PSMD14: variants seen among roughly 807,000 people sequenced by gnomAD.
PSMD14 encodes proteasome 26S subunit, non-ATPase 14, also known as ubiquitin C-terminal hydrolase PSMD14.
A neutral mutation model predicts 41.2 loss-of-function variants in PSMD14; 7 were observed. The observed-to-expected ratio is 0.17, with a 90% CI of 0.10 to 0.32. The LOEUF (loss-of-function observed/expected upper bound fraction) is 0.32. Ranked by LOEUF, PSMD14 falls within the 10% of genes least tolerant of loss-of-function variation. The pLI is 1.00. For missense variants in PSMD14, 139 were observed against 375.6 expected (o/e 0.37, Z 5.21); for synonymous variants, 114 against 122.3 (o/e 0.93, Z 0.45).
intron 3 of PSMD14, among the ~76,000 whole-genome samples, chr2:161,363,809 C>T (rs1683323165): frequency 6.6e-6 from 1 of 152,190 alleles, no homozygotes; most frequent in Admixed American, 6.5e-5. Flanking sequence ...TACAGACAGG[C>T]AGGCTTTGGG....
chr2:161,392,197 T>C (rs1240160115), intron 9 of PSMD14, among the ~76,000 whole-genome samples: 3 of 152,196 alleles, frequency 2.0e-5, no homozygotes, highest in African/African-American at 7.2e-5. Flanking sequence ...ACTATTACAA[T>C]TAGTCATCCA....
intron 3 of PSMD14, among the ~76,000 whole-genome samples, chr2:161,320,795 G>A (rs750792637): frequency 1.6e-4 from 25 of 151,944 alleles, no homozygotes; most frequent in South Asian, 4.2e-4. Context: ...GCATGATCTC[G>A]GTTCACTGTA....
chr2:161,331,054 C>A (rs961974684), intron 3 of PSMD14, among the ~76,000 whole-genome samples: 3 of 152,134 alleles, frequency 2.0e-5, no homozygotes, highest in Admixed American at 6.5e-5. Context: ...ACTTTCACTT[C>A]ATAGGAAACA....
chr2:161,354,133 C>T (rs1277251510), intron 3 of PSMD14, among the ~76,000 whole-genome samples: 2 of 152,108 alleles, frequency 1.3e-5, no homozygotes. Flanking sequence ...TCAGGTTCTG[C>T]TTGATTCTGG....
In PSMD14 at chr2:161,395,068, T is replaced by G; in HGVS notation, c.646-10T>G. The G allele has an allele frequency of 6.4e-7, 1 of 1,572,262 alleles. No individual in the cohort carries two copies. Among genetic ancestry groups the G allele is most frequent in the Non-Finnish European group, 8.6e-7 (1 of 1,163,770 alleles). ...GCAGAAAAAGAATTACTTTTTCTTT[T>G]ATTTTTTAGATGTTGCTAAATTTGC... is the stretch of plus-strand genomic sequence containing the variant. On this transcript the variant is annotated splice_polypyrimidine_tract_variant and intron_variant, in intron 9 of 11. Coordinates refer to ENST00000409682, the MANE Select transcript of PSMD14 (RefSeq NM_005805.6).
At chr2:161,386,230 T>G (rs1348189220) in intron 8 of PSMD14, among the ~76,000 whole-genome samples, 2 of 151,876 alleles carry the variant, frequency 1.3e-5, no homozygotes, top group East Asian at 3.9e-4. Context: ...CAAAAATTAT[T>G]TTAAATGTGT....
chr2:161,341,113 C>A, intron 3 of PSMD14: 5 of 1,366,238 alleles, frequency 3.7e-6, no homozygotes, highest in East Asian at 3.1e-5. Flanking sequence ...CCAGGCTCCT[C>A]CGGCCCCGCG....
At chr2:161,398,409 G>C (rs1683830878) in intron 10 of PSMD14, among the ~76,000 whole-genome samples, 1 of 151,992 alleles carries the variant, frequency 6.6e-6, no homozygotes, top group Non-Finnish European at 1.5e-5. Flanking sequence ...TCAGTTTCAA[G>C]TCTGAATTCC....
rs1683151653 is a variant in PSMD14, at chr2:161,353,684, A to G, written c.49-13794A>G. ...TCCCTATTTATGCATCTATTTTTGT[A>G]CTTATTCTATATTGCAGTTATGGTT... is the stretch of plus-strand genomic sequence containing the variant. On this transcript the variant is annotated intron_variant, in intron 3 of 11. Coordinates refer to ENST00000409682, the MANE Select transcript of PSMD14 (RefSeq NM_005805.6). 3.9e-5 allele frequency among the ~76,000 whole-genome samples: 6 copies of G among 152,110 alleles called. No homozygotes were observed. The South Asian group carries it at 1.2e-3, about 32-fold the overall frequency.
intron 3 of PSMD14, among the ~76,000 whole-genome samples, chr2:161,365,129 A>G (rs566832730): frequency 6.6e-6 from 1 of 152,182 alleles, no homozygotes; most frequent in African/African-American, 2.4e-5. Flanking sequence ...ATAAAACAGC[A>G]CTCATACAAT....
In PSMD14 at chr2:161,385,514, A is replaced by G; in HGVS notation, c.513A>G (p.Gly171=). 1 of 1,610,076 alleles carries G rather than the reference A, an allele frequency of 6.2e-7. No individual in the cohort carries two copies. Among genetic ancestry groups the G allele is most frequent in the Non-Finnish European group, 8.5e-7 (1 of 1,177,362 alleles). The part of the protein sequence containing the change: ...RLINANMMVL[G]HEPRQTTSNL... ...TCAATGCTAATATGATGGTCTTAGG[A>G]CATGAACCAAGACAAACAACTTCGA... Residue 171 remains glycine, a synonymous_variant, in exon 8 of 12, where the codon GGA becomes GGG. Transcript: ENST00000409682.
At chr2:161,388,080 T>C (rs1363914581) in intron 8 of PSMD14, among the ~76,000 whole-genome samples, 1 of 152,084 alleles carries the variant, frequency 6.6e-6, no homozygotes, top group African/African-American at 2.4e-5. Context: ...ACTATTCCAT[T>C]ATAAACTGTT....
intron 3 of PSMD14, among the ~76,000 whole-genome samples, chr2:161,365,181 T>C (rs1310533730): frequency 2.0e-5 from 3 of 152,208 alleles, no homozygotes; most frequent in African/African-American, 7.2e-5. Flanking sequence ...GCTTTCTTGT[T>C]AGTATGTTTC....
intron 1 of PSMD14, among the ~76,000 whole-genome samples, chr2:161,312,703 A>C (rs896286157): frequency 6.6e-6 from 1 of 152,218 alleles, no homozygotes; most frequent in Non-Finnish European, 1.5e-5. Context: ...TGAGTCTTCT[A>C]CTTTTTGATA....
At position 161,367,738 on chromosome 2, in the gene PSMD14, A is replaced by G. The variant is rs369036021; in HGVS notation, c.121-46A>G. The G allele has an allele frequency of 2.3e-4, 372 of 1,594,410 alleles. No homozygotes were observed. The African/African-American group carries it at 4.3e-3, about 19-fold the overall frequency. ...TTTGTTTTATAAAGAAGAACCAGAGACCTCAACGAAATTTGCTTTGTGTCC... is the reference window on the plus strand; with the variant it reads ...TTTGTTTTATAAAGAAGAACCAGAGGCCTCAACGAAATTTGCTTTGTGTCC... On this transcript the variant is annotated intron_variant, in intron 4 of 11. Transcript: ENST00000409682.
chr2:161,347,827 A>G (rs1359715243), intron 3 of PSMD14, among the ~76,000 whole-genome samples: 1 of 152,012 alleles, frequency 6.6e-6, no homozygotes, highest in Non-Finnish European at 1.5e-5. Context: ...ATATTAGGTC[A>G]TGTAATCTTT....
At chr2:161,394,317 A>G (rs1001028132) in intron 9 of PSMD14, among the ~76,000 whole-genome samples, 4 of 152,016 alleles carry the variant, frequency 2.6e-5, no homozygotes, top group African/African-American at 4.8e-5. Context: ...ATGGCTTTTC[A>G]TCCTGACAAT....
At chr2:161,345,938 C>T (rs1683035727) in intron 3 of PSMD14, among the ~76,000 whole-genome samples, 1 of 152,094 alleles carries the variant, frequency 6.6e-6, no homozygotes. Flanking sequence ...GTCACCCAGG[C>T]TGGAGTACAG....
chr2:161,337,038 A>G (rs1181962452), intron 3 of PSMD14, among the ~76,000 whole-genome samples: 2 of 152,238 alleles, frequency 1.3e-5, no homozygotes, highest in Non-Finnish European at 2.9e-5. Context: ...AAAGTCATTT[A>G]AAGAAAAATT....
Sources: gnomAD v4.1 joint callset for allele counts (sites outside exome capture counted in the v4.1 genomes callset) on GRCh38, gnomAD v4.1.1 for gene constraint, MANE v1.5 for transcripts, NCBI Gene and HGNC (gene_info 2026-07-23, HGNC 2026-07-21) for gene names.